The following TFB2M variants were observed in gnomAD, a reference collection of about 807,000 sequenced individuals.
The protein encoded by TFB2M is dimethyladenosine transferase 2, mitochondrial.
A neutral mutation model predicts 41.3 loss-of-function variants in TFB2M; 44 were observed. The observed-to-expected ratio is 1.07, with a 90% CI of 0.84 to 1.37. The LOEUF (loss-of-function observed/expected upper bound fraction) is 1.37, where lower values mean the gene tolerates loss of function less well. Ranked by LOEUF, TFB2M falls within the 40% of genes most tolerant of loss-of-function variation. The pLI is 0.00. For synonymous variants in TFB2M, 188 were observed against 176.8 expected (o/e 1.06, Z -0.50); for missense variants, 496 against 490.2 (o/e 1.01, Z -0.11).
At chr1:246,550,561 C>T (rs752172376) in intron 5 of TFB2M, among the ~76,000 whole-genome samples, 2 of 152,110 alleles carry the variant, frequency 1.3e-5, no homozygotes, top group African/African-American at 2.4e-5. Flanking sequence ...GACGAGAACA[C>T]GTGAAGATCC....
intron 2 of TFB2M, among the ~76,000 whole-genome samples, chr1:246,561,984 T>C (rs1659467356): frequency 6.6e-6 from 1 of 152,226 alleles, no homozygotes; most frequent in Non-Finnish European, 1.5e-5. Flanking sequence ...CTGAATCACA[T>C]TTCAGGATCT....
In TFB2M at chr1:246,565,915, A is replaced by T; in HGVS notation, c.224T>A (p.Val75Glu). ...SKASLDFKRYVTDRRLAETLA... is the reference protein window; with the variant it reads ...SKASLDFKRYETDRRLAETLA... ...GGTCTCAGCCAATCTCCGATCGGTT[A>T]CGTAACGCTTAAAGTCTAAGCTGGC... Residue 75 changes from valine to glutamate, a missense_variant, in exon 1 of 8, where the codon GTA (valine) becomes GAA (glutamate). By Grantham distance (121) the Val-to-Glu change is moderately radical (BLOSUM62 -2). Coordinates refer to ENST00000366514, the MANE Select transcript of TFB2M (RefSeq NM_022366.3). 1 of 1,614,194 alleles carries T rather than the reference A, an allele frequency of 6.2e-7. No individual in the cohort carries two copies.
rs1659667584 is a variant in TFB2M, at chr1:246,566,183, A to G, written c.-45T>C. Reference sequence around the variant, plus strand: ...GCTCCAAGAATCACCTAGTGCAGCTACTACAGTGAACCCCACGCAGGGTAT... The same window carrying G: ...GCTCCAAGAATCACCTAGTGCAGCTGCTACAGTGAACCCCACGCAGGGTAT... On this transcript the variant is annotated 5_prime_UTR_variant, in exon 1 of 8. Coordinates refer to ENST00000366514, the MANE Select transcript of TFB2M (RefSeq NM_022366.3). 1 of 1,561,672 alleles carries G rather than the reference A, an allele frequency of 6.4e-7. No individual in the cohort carries two copies. The highest frequency in any genetic ancestry group is 1.4e-5 in the African/African-American group (1 of 73,342).
intron 2 of TFB2M, among the ~76,000 whole-genome samples, chr1:246,562,056 T>A (rs1009683876): frequency 5.3e-5 from 8 of 152,202 alleles, no homozygotes; most frequent in Non-Finnish European, 1.0e-4. Context: ...AGATTTAACA[T>A]CAATTAAATA....
chr1:246,560,094 CT>C lies in TFB2M; in HGVS notation c.403-2561del, dbSNP rs888538205. Among the ~76,000 whole-genome samples the C allele has an allele frequency of 3.1e-3, 450 of 144,788 alleles. 1 individual carries two copies. Among genetic ancestry groups the C allele is most frequent in the African/African-American group, 5.3e-3 (210 of 39,886 alleles). The allele number at this position is 144,788 out of a possible 152,430, so 95.0% of individuals were successfully genotyped here. Reference sequence around the variant, plus strand: ...AAACATTATGAGATGTATGCATGGACTTTTTTTTTTTTTAAGCTCATCAGCC... The same window carrying C: ...AAACATTATGAGATGTATGCATGGACTTTTTTTTTTTTAAGCTCATCAGCC... On this transcript the variant is annotated intron_variant, in intron 2 of 7. Coordinates refer to ENST00000366514, the MANE Select transcript of TFB2M (RefSeq NM_022366.3).
At chr1:246,558,073 T>C (rs1294952595) in intron 2 of TFB2M, among the ~76,000 whole-genome samples, 1 of 151,928 alleles carries the variant, frequency 6.6e-6, no homozygotes, top group Non-Finnish European at 1.5e-5. Flanking sequence ...AATTAATACC[T>C]GAAAAGTGGC....
In TFB2M at chr1:246,551,268, T is replaced by C; in HGVS notation, c.740A>G (p.Tyr247Cys). The part of the protein sequence containing the change: ...LMADPGNPDL[Y>C]HVLSVIWQLA... ...TTGCCAGATAACACTTAATACATGA[T>C]ACAAGTCTGGATTTCCGGGATCTGC... Residue 247 changes from tyrosine to cysteine, a missense_variant, in exon 5 of 8, where the codon TAT becomes TGT. By Grantham distance (194) the Tyr-to-Cys change is radical. Transcript: ENST00000366514. The C allele has an allele frequency of 6.2e-7, 1 of 1,613,818 alleles. No homozygotes were observed. Among genetic ancestry groups the C allele is most frequent in the Non-Finnish European group, 8.5e-7 (1 of 1,179,702 alleles).
chr1:246,546,591 G>C (rs10924776), intron 6 of TFB2M, among the ~76,000 whole-genome samples: 57,772 of 150,388 alleles, frequency 0.38, 12,263 homozygotes, highest in Non-Finnish European at 0.48. Flanking sequence ...TCCAGCCTGG[G>C]TGACAGAATG....
At position 246,557,440 on chromosome 1, in the gene TFB2M, G is replaced by A. The variant is rs768960134; in HGVS notation, c.497C>T (p.Ala166Val). Reference protein sequence around the residue: ...PRSGGVIKPPAMSSRGLFKNL... With the variant: ...PRSGGVIKPPVMSSRGLFKNL... The stretch of plus-strand genomic sequence containing the variant: ...CTTAAAGAGCCCTCGAGAAGACATA[G>A]CAGGTGGTTTTATTACTCCACCACT... The change falls in exon 3 of 8, where the codon GCT (alanine) becomes GTT (valine). Residue 166 changes from alanine to valine, a missense_variant. Transcript: ENST00000366514. 1 of 1,613,682 alleles carries A rather than the reference G, an allele frequency of 6.2e-7. No homozygotes were observed. Among genetic ancestry groups the A allele is most frequent in the Non-Finnish European group, 8.5e-7 (1 of 1,179,900 alleles).
intron 4 of TFB2M, among the ~76,000 whole-genome samples, chr1:246,553,723 C>A (rs1186834954): frequency 6.6e-6 from 1 of 152,174 alleles, no homozygotes; most frequent in Non-Finnish European, 1.5e-5. Flanking sequence ...AAAGACATTT[C>A]ATGTTCGTGG....
intron 7 of TFB2M, 59 bp downstream of exon 7, chr1:246,544,462 T>C (rs1658944007): frequency 7.0e-7 from 1 of 1,438,546 alleles, no homozygotes; most frequent in Non-Finnish European, 9.5e-7. Flanking sequence ...ATCTCTAGCA[T>C]GAAAGAATAA....
chr1:246,545,812 GAA>G (rs869274564), intron 6 of TFB2M, among the ~76,000 whole-genome samples: 2,056 of 52,640 alleles, frequency 0.039, 122 homozygotes, highest in African/African-American at 0.12. Flanking sequence ...ACCCTGATTC[GAA>G]AAAAAAAAAA....
rs528707751 is a variant in TFB2M, at chr1:246,544,848, C to T, written c.859-167G>A. The stretch of plus-strand genomic sequence containing the variant: ...GGAGATAGAGTCTCACTCTGTCGCC[C>T]AGGCTGGAGTACAACGGCGTGATCT... On this transcript the variant is annotated intron_variant, in intron 6 of 7. Transcript: ENST00000366514. 3.3e-5 allele frequency among the ~76,000 whole-genome samples: 5 copies of T among 152,256 alleles called. No individual in the cohort carries two copies. The South Asian group carries it at 6.2e-4, about 19-fold the overall frequency.
rs1183635076 is a variant in TFB2M at position 246,541,020 on chromosome 1, C to A, written c.*11G>T. On this transcript the variant is annotated 3_prime_UTR_variant, in exon 8 of 8. Coordinates refer to ENST00000366514, the MANE Select transcript of TFB2M (RefSeq NM_022366.3). ...AAATGAACCGCTCCACCAAAAACGA[C>A]AGTCTAGTTGCTACCTATCTTCCAG... 3 of 1,582,558 alleles carry A rather than the reference C, an allele frequency of 1.9e-6. No individual in the cohort carries two copies. The Admixed American group carries it at 5.6e-5, about 29-fold the overall frequency.
At chr1:246,548,135 C>T (rs551342312) in intron 6 of TFB2M, among the ~76,000 whole-genome samples, 43 of 152,100 alleles carry the variant, frequency 2.8e-4, no homozygotes, top group African/African-American at 7.7e-4. Context: ...TTAATAGAGG[C>T]GGGGTTTCAC....
intron 6 of TFB2M, among the ~76,000 whole-genome samples, chr1:246,544,955 A>T (rs79517391): frequency 6.7e-6 from 1 of 148,404 alleles, no homozygotes; most frequent in Admixed American, 6.7e-5. Context: ...ACAGGCGCCC[A>T]CCACCACGCC....
chr1:246,541,024 C>G lies in TFB2M; in HGVS notation c.*7G>C. On this transcript the variant is annotated 3_prime_UTR_variant, in exon 8 of 8. Transcript: ENST00000366514. The stretch of plus-strand genomic sequence containing the variant: ...GAACCGCTCCACCAAAAACGACAGT[C>G]TAGTTGCTACCTATCTTCCAGGGTT... The G allele has an allele frequency of 6.2e-7, 1 of 1,604,994 alleles. No individual in the cohort carries two copies. The highest frequency in any genetic ancestry group is 8.5e-7 in the Non-Finnish European group (1 of 1,175,386).
At chr1:246,562,763 G>A (rs193299221) in intron 2 of TFB2M, among the ~76,000 whole-genome samples, 2 of 152,116 alleles carry the variant, frequency 1.3e-5, no homozygotes, top group African/African-American at 4.8e-5. Flanking sequence ...GGGTTCAAGC[G>A]ATTCTCCTGC....
intron 5 of TFB2M, among the ~76,000 whole-genome samples, chr1:246,550,877 C>G (rs1178438407): frequency 6.6e-6 from 1 of 151,862 alleles, no homozygotes; most frequent in African/African-American, 2.4e-5. Flanking sequence ...GAGTGAGACT[C>G]CATCTCAAAA....
Sources: allele counts gnomAD v4.1 joint callset (sites outside exome capture counted in the v4.1 genomes callset), GRCh38; gene constraint gnomAD v4.1.1; transcripts MANE v1.5; gene names NCBI Gene and HGNC (gene_info 2026-07-23, HGNC 2026-07-21).